The following CDH23 variants were observed in gnomAD, a reference collection of about 807,000 sequenced individuals.
CDH23 encodes cadherin related 23.
A neutral mutation model predicts 317.1 loss-of-function variants in CDH23; 189 were observed. The ratio of observed to expected loss-of-function variants is 0.60; its 90% CI spans 0.53 to 0.67. The LOEUF is 0.67. Among genes scored for constraint, CDH23 ranks in the 30% least tolerant of loss-of-function variants. The probability of loss-of-function intolerance (pLI) is 0.00; values close to 1 mark genes in which losing one functional copy is unlikely to be tolerated. For synonymous variants in CDH23, 1,839 were observed against 1,876.8 expected, an observed-to-expected ratio of 0.98 and a Z score of 0.52; for missense variants, 4,401 against 4,592.4, an observed-to-expected ratio of 0.96 and a Z score of 1.20.
At chr10:71,453,229 A>G (rs937601069) in intron 3 of CDH23, among the ~76,000 whole-genome samples, 12 of 152,186 alleles carry the variant, frequency 7.9e-5, no homozygotes, top group African/African-American at 2.9e-4. Flanking sequence ...ATTAGGATGG[A>G]TTGGTCCCAG....
In CDH23 at chr10:71,738,819, G is replaced by A. The variant is rs569388437; in HGVS notation, c.4359+172G>A. Among the ~76,000 whole-genome samples the A allele has an allele frequency of 2.8e-5, 4 of 141,162 alleles. No homozygotes were observed. In the East Asian group the frequency reaches 9.3e-4, roughly 33 times the overall value. The allele number at this position is 141,162 out of a possible 152,430, so 92.6% of individuals were successfully genotyped here. ...AGGGAGAAGGGACAGAGCTGCCTCAGAGCTATGCAGGCCGGTGGCCCTGCC... is the reference window on the plus strand; with the variant it reads ...AGGGAGAAGGGACAGAGCTGCCTCAAAGCTATGCAGGCCGGTGGCCCTGCC... On this transcript the variant is annotated intron_variant, in intron 35 of 69. Transcript: ENST00000224721.
At chr10:71,708,265 G>C (rs1761284369) in intron 26 of CDH23, among the ~76,000 whole-genome samples, 1 of 152,188 alleles carries the variant, frequency 6.6e-6, no homozygotes, top group Non-Finnish European at 1.5e-5. Flanking sequence ...TGACTCTTCA[G>C]CACCCCAGAG....
intron 6 of CDH23, among the ~76,000 whole-genome samples, chr10:71,547,778 CAG>C (rs902222242): frequency 1.8e-4 from 27 of 152,186 alleles, no homozygotes; most frequent in Non-Finnish European, 4.4e-5. Flanking sequence ...ACACAGTTTC[CAG>C]AGTTTGTTCT....
chr10:71,752,010 C>T, intron 38 of CDH23: 1 of 904,970 alleles, frequency 1.1e-6, no homozygotes, highest in Non-Finnish European at 1.8e-6. Context: ...AGGCAGGAGC[C>T]AGGCCCACAG....
chr10:71,791,124 G>T lies in CDH23; in HGVS notation c.6050-8G>T. On this transcript the variant is annotated splice_region_variant and splice_polypyrimidine_tract_variant and intron_variant, in intron 46 of 69. Transcript: ENST00000224721. ...TGTGTTTCCCTGGCTGGCGGCACCG[G>T]GTGCCAGGTGTGGTGACCGTGAGGT... 1 of 1,599,256 alleles carries T rather than the reference G, an allele frequency of 6.3e-7. No individual in the cohort carries two copies. The highest frequency in any genetic ancestry group is 8.5e-7 in the Non-Finnish European group (1 of 1,173,180).
At chr10:71,575,256 G>A (rs925215964) in intron 8 of CDH23, among the ~76,000 whole-genome samples, 1 of 152,132 alleles carries the variant, frequency 6.6e-6, no homozygotes, top group Non-Finnish European at 1.5e-5. Flanking sequence ...CTGGAAAGAG[G>A]CCCCTGAGTT....
At chr10:71,613,686 C>G (rs936603948) in intron 9 of CDH23, among the ~76,000 whole-genome samples, 1 of 152,208 alleles carries the variant, frequency 6.6e-6, no homozygotes, top group African/African-American at 2.4e-5. Flanking sequence ...GACTTTTTCC[C>G]TAGTTAATCC....
chr10:71,482,539 A>G (rs1322915203), intron 3 of CDH23, among the ~76,000 whole-genome samples: 2 of 152,184 alleles, frequency 1.3e-5, no homozygotes, highest in Non-Finnish European at 2.9e-5. Context: ...CAGGCCCCAT[A>G]GGAATGGGAG....
intron 34 of CDH23, among the ~76,000 whole-genome samples, chr10:71,736,678 C>T (rs1839575078): frequency 6.6e-6 from 1 of 152,236 alleles, no homozygotes; most frequent in South Asian, 2.1e-4. Flanking sequence ...TGCCTTGCAG[C>T]CTCACCAAGA....
chr10:71,641,830 G>T (rs1480926218), intron 11 of CDH23, among the ~76,000 whole-genome samples: 2 of 152,200 alleles, frequency 1.3e-5, no homozygotes, highest in Non-Finnish European at 1.5e-5. Flanking sequence ...TGTAATCCCA[G>T]CATTTTGGGA....
chr10:71,705,090 C>G lies in CDH23; in HGVS notation c.2913C>G (p.Gly971=). 1 of 1,610,904 alleles carries G rather than the reference C, an allele frequency of 6.2e-7. No individual in the cohort carries two copies. Among genetic ancestry groups the G allele is most frequent in the Non-Finnish European group, 8.5e-7 (1 of 1,179,144 alleles). Residue 971 remains glycine (G), a synonymous_variant, in exon 25 of 70, where the codon GGC becomes GGG. Coordinates refer to ENST00000224721, the MANE Select transcript of CDH23 (RefSeq NM_022124.6). ...TGCGGGTGGTGGCCAGTGATGCAGG[C>G]ACGCCCACCAAGAGCTCCACCAGCA... The part of the protein sequence containing the change: ...YQLRVVASDA[G]TPTKSSTSTL...
chr10:71,815,117 GAGGAAGACCAGA>G lies in CDH23; in HGVS notation c.9908_9919del (p.Glu3303_Lys3306del). ...GGCCACCGACCTCAACAGCCTGCCCGAGGAAGACCAGAAGGGCCTGGGCCGCTCGCTGGAGAC... is the reference window on the plus strand; with the variant it reads ...GGCCACCGACCTCAACAGCCTGCCCGAGGGCCTGGGCCGCTCGCTGGAGAC... On this transcript the variant is annotated inframe_deletion, in exon 70 of 70. Coordinates refer to ENST00000224721, the MANE Select transcript of CDH23 (RefSeq NM_022124.6). 1 of 1,611,186 alleles carries G rather than the reference GAGGAAGACCAGA, an allele frequency of 6.2e-7. No homozygotes were observed. Among genetic ancestry groups the G allele is most frequent in the Non-Finnish European group, 8.5e-7 (1 of 1,179,100 alleles).
intron 44 of CDH23, among the ~76,000 whole-genome samples, chr10:71,787,516 AT>A (rs1365706547): frequency 6.7e-6 from 1 of 149,596 alleles, no homozygotes; most frequent in Non-Finnish European, 1.5e-5. Context: ...CTAATAAATA[AT>A]TTTTCAACCC....
At chr10:71,578,861 C>T (rs1471458992) in intron 9 of CDH23, among the ~76,000 whole-genome samples, 2 of 152,238 alleles carry the variant, frequency 1.3e-5, no homozygotes, top group Non-Finnish European at 2.9e-5. Context: ...CCTCTCCCTA[C>T]CATACCCCCA....
At chr10:71,476,264 T>G (rs61852458) in intron 3 of CDH23, among the ~76,000 whole-genome samples, 10,827 of 152,258 alleles carry the variant, frequency 0.071, 612 homozygotes, top group East Asian at 0.28. Context: ...AGGAGGACTG[T>G]GTCTTTGTTA....
chr10:71,726,328 G>A (rs920891488), intron 30 of CDH23, among the ~76,000 whole-genome samples: 3 of 152,098 alleles, frequency 2.0e-5, no homozygotes, highest in East Asian at 3.9e-4. Flanking sequence ...CTGAGTGCCC[G>A]GCTCCTCTTA....
chr10:71,518,523 G>T (rs1433773326), intron 6 of CDH23, among the ~76,000 whole-genome samples: 1 of 152,168 alleles, frequency 6.6e-6, no homozygotes, highest in Non-Finnish European at 1.5e-5. Flanking sequence ...GACCACCCCT[G>T]CTGGGCATCA....
At chr10:71,646,821 G>A in intron 14 of CDH23, 1 of 1,502,134 alleles carries the variant, frequency 6.7e-7, no homozygotes, top group Non-Finnish European at 8.9e-7. Context: ...ATATGGAAAA[G>A]GAGCCAACCT....
intron 9 of CDH23, among the ~76,000 whole-genome samples, chr10:71,610,316 T>C (rs1348372709): frequency 6.6e-6 from 1 of 152,200 alleles, no homozygotes; most frequent in Non-Finnish European, 1.5e-5. Flanking sequence ...GGACTCCCTC[T>C]TGAGGAAGAA....
Sources: allele counts gnomAD v4.1 joint callset (sites outside exome capture counted in the v4.1 genomes callset), GRCh38; gene constraint gnomAD v4.1.1; transcripts MANE v1.5; gene names NCBI Gene and HGNC (gene_info 2026-07-23, HGNC 2026-07-21).